Variants in NCS1 observed in about 807,000 individuals in gnomAD.
NCS1 encodes the protein frequenin homolog.
In NCS1, 6 loss-of-function variants were observed where a neutral mutation model predicts 28.4. That is an observed-to-expected ratio of 0.21 (90% CI 0.12 to 0.42). The LOEUF (loss-of-function observed/expected upper bound fraction) is 0.42. Among genes scored for constraint, NCS1 ranks in the 10% least tolerant of loss-of-function variants. The probability of loss-of-function intolerance (pLI) is 1.00; values close to 1 mark genes in which losing one functional copy is unlikely to be tolerated. For synonymous variants in NCS1, 86 were observed against 99.3 expected (o/e 0.87, Z 0.79); for missense variants, 131 against 241.4 (o/e 0.54, Z 3.03).
intron 1 of NCS1, among the ~76,000 whole-genome samples, chr9:130,174,347 G>C (rs972629306): frequency 6.7e-6 from 1 of 149,942 alleles, no homozygotes; most frequent in Admixed American, 6.6e-5. Context: ...GGCATCATTA[G>C]CACCTCGACT....
chr9:130,236,958 A>G lies in NCS1; in HGVS notation c.*3986A>G, dbSNP rs2131170122. The G allele has an allele frequency of 6.6e-6, 1 of 152,392 alleles. No individual in the cohort carries two copies. The highest frequency in any genetic ancestry group is 1.5e-5 in the Non-Finnish European group (1 of 68,094). The allele number at this position is 152,392 out of a possible 1,614,324, so 9.4% of individuals were successfully genotyped here. A position where few individuals can be genotyped will look rare whatever the true frequency, so the allele number is the denominator to read the frequency against. On this transcript the variant is annotated 3_prime_UTR_variant, in exon 8 of 8. Transcript: ENST00000372398. ...TGTCATCATCAAAGCCCCTCACAGA[A>G]GTGGAGGACGGTGCCCAAGAGTAGC...
chr9:130,213,295 T>A (rs1444410643), intron 2 of NCS1, among the ~76,000 whole-genome samples: 3 of 152,202 alleles, frequency 2.0e-5, no homozygotes, highest in Non-Finnish European at 4.4e-5. Context: ...TTTTTTCTTT[T>A]GAGACGGAGT....
rs1554909600 is a variant in NCS1 at position 130,217,855 on chromosome 9, GCC to G, written c.116_117del (p.Pro39GlnfsTer34). ...AGGTACAAAGGCTTCATCAAGGACTGCCCCAGTGGGCAGCTGGATGCGGCAGG... is the reference window on the plus strand; with the variant it reads ...AGGTACAAAGGCTTCATCAAGGACTGCCAGTGGGCAGCTGGATGCGGCAGG... On this transcript the variant is annotated frameshift_variant, in exon 3 of 8. Coordinates refer to ENST00000372398, the MANE Select transcript of NCS1 (RefSeq NM_014286.4). LOFTEE classifies it high-confidence loss of function. 1 of 1,614,196 alleles carries G rather than the reference GCC, an allele frequency of 6.2e-7. No individual in the cohort carries two copies. The highest frequency in any genetic ancestry group is 1.1e-5 in the South Asian group (1 of 91,086).
intron 1 of NCS1, among the ~76,000 whole-genome samples, chr9:130,174,693 C>T (rs1832536400): frequency 6.7e-6 from 1 of 149,320 alleles, no homozygotes; most frequent in Admixed American, 6.8e-5. Context: ...TGCCTGTAAT[C>T]CCAGCTACTC....
Position 130,219,478 on chromosome 9 carries a change from A to C in NCS1, c.229-247A>C, listed in dbSNP as rs1833242062. ...GGAGTAAGCCTCTCCGTTCAGCCTC[A>C]GTCCTTCTTCCTGTGCCTCCCTCCT... On this transcript the variant is annotated intron_variant, in intron 3 of 7. Transcript: ENST00000372398. This position sits in a 1 kb window ranked among gnomAD's most constrained non-coding sequence, Gnocchi z 5.7. Among the ~76,000 whole-genome samples the C allele has an allele frequency of 6.6e-6, 1 of 152,024 alleles. No individual in the cohort carries two copies.
chr9:130,195,061 A>G lies in NCS1; in HGVS notation c.65-5897A>G, dbSNP rs375896828. On this transcript the variant is annotated intron_variant, in intron 1 of 7. Coordinates refer to ENST00000372398, the MANE Select transcript of NCS1 (RefSeq NM_014286.4). ...TCCAGCTAGGAAAATGAGGGGAAGA[A>G]GTGCTTCTGTCTCGCACTTGCTGGG... Among the ~76,000 whole-genome samples, 17 of 152,268 alleles carry G rather than the reference A, an allele frequency of 1.1e-4. No homozygotes were observed. The East Asian group carries it at 3.1e-3, about 28-fold the overall frequency.
Position 130,186,399 on chromosome 9 carries a change from A to G in NCS1, c.64+13672A>G, listed in dbSNP as rs1398289764. 2.0e-5 allele frequency among the ~76,000 whole-genome samples: 3 copies of G among 152,232 alleles called. No individual in the cohort carries two copies. The highest frequency in any genetic ancestry group is 7.2e-5 in the African/African-American group (3 of 41,446). On this transcript the variant is annotated intron_variant, in intron 1 of 7. Coordinates refer to ENST00000372398, the MANE Select transcript of NCS1 (RefSeq NM_014286.4). The surrounding 1 kb of genome is among the most constrained non-coding windows in gnomAD (Gnocchi z 4.1). ...ACCCGGGGCTAGGGTTGCCAGACATACTGAAAAATGATTTGCTGTTTACCT... is the reference window on the plus strand; with the variant it reads ...ACCCGGGGCTAGGGTTGCCAGACATGCTGAAAAATGATTTGCTGTTTACCT...
In NCS1 at chr9:130,236,861, C is replaced by T. The variant is rs979965033; in HGVS notation, c.*3889C>T. ...TTCTGCTCATTGGGTCTCAATTTCCCCATCCCTTGGATGGGAGCAAGAGTC... is the reference window on the plus strand; with the variant it reads ...TTCTGCTCATTGGGTCTCAATTTCCTCATCCCTTGGATGGGAGCAAGAGTC... On this transcript the variant is annotated 3_prime_UTR_variant, in exon 8 of 8. Coordinates refer to ENST00000372398, the MANE Select transcript of NCS1 (RefSeq NM_014286.4). The T allele has an allele frequency of 2.0e-5, 3 of 152,148 alleles. No homozygotes were observed. The highest frequency in any genetic ancestry group is 7.2e-5 in the African/African-American group (3 of 41,424). The allele number at this position is 152,148 out of a possible 1,614,324, so 9.4% of individuals were successfully genotyped here.
Position 130,234,954 on chromosome 9 carries a change from A to C in NCS1, c.*1982A>C, listed in dbSNP as rs1331745612. ...GGGGACACTTTGGTCCTCGGTTCCC[A>C]CCCTCAGCAAGCAGGCCTCCAGCCC... On this transcript the variant is annotated 3_prime_UTR_variant, in exon 8 of 8. Transcript: ENST00000372398. This position sits in a 1 kb window ranked among gnomAD's most constrained non-coding sequence, Gnocchi z 6.1. 6.6e-6 allele frequency: 1 copy of C among 151,936 alleles called. No homozygotes were observed. The highest frequency in any genetic ancestry group is 1.5e-5 in the Non-Finnish European group (1 of 68,018). The allele number at this position is 151,936 out of a possible 1,614,324, so 9.4% of individuals were successfully genotyped here.
Position 130,206,403 on chromosome 9 carries a change from C to CTT in NCS1, c.89+5440_89+5441dup, listed in dbSNP as rs71387330. ...CTTGTTCTTTTTCTTTTCTTTCTTTCTTTTTTTTTTTTTTTTTTTTCCTGA... is the reference window on the plus strand; with the variant it reads ...CTTGTTCTTTTTCTTTTCTTTCTTTCTTTTTTTTTTTTTTTTTTTTTTCCTGA... On this transcript the variant is annotated intron_variant, in intron 2 of 7. Transcript: ENST00000372398. Among the ~76,000 whole-genome samples, 887 of 116,458 alleles carry CTT rather than the reference C, an allele frequency of 7.6e-3. 22 individuals are homozygous for CTT. The highest frequency in any genetic ancestry group is 0.028 in the African/African-American group (852 of 30,420). 76.4% of individuals were successfully genotyped at this position (116,458 alleles called of 152,430 possible).
rs1301119023 is a variant in NCS1, at chr9:130,180,428, A to G, written c.64+7701A>G. ...TCTGGTAAGAAAAAAAGCCAATATA[A>G]ATTAAAAAGCACATCATCATTATGG... On this transcript the variant is annotated intron_variant, in intron 1 of 7. Coordinates refer to ENST00000372398, the MANE Select transcript of NCS1 (RefSeq NM_014286.4). The surrounding 1 kb of genome is among the most constrained non-coding windows in gnomAD (Gnocchi z 4.5). Among the ~76,000 whole-genome samples, 1 of 152,134 alleles carries G rather than the reference A, an allele frequency of 6.6e-6. No individual in the cohort carries two copies. Among genetic ancestry groups the G allele is most frequent in the Non-Finnish European group, 1.5e-5 (1 of 68,036 alleles).
At chr9:130,195,302 C>G (rs1014401400) in intron 1 of NCS1, among the ~76,000 whole-genome samples, 7 of 152,208 alleles carry the variant, frequency 4.6e-5, no homozygotes, top group Non-Finnish European at 7.3e-5. Flanking sequence ...GCCTGTGCCC[C>G]CTTGGTCAGA....
chr9:130,223,183 T>C, intron 6 of NCS1, 24 bp downstream of exon 6: 4 of 1,587,526 alleles, frequency 2.5e-6, no homozygotes, highest in Non-Finnish European at 3.5e-6. Flanking sequence ...GCGGGGCTGG[T>C]CCTGGACCAG....
chr9:130,185,603 G>C (rs781937722), intron 1 of NCS1, among the ~76,000 whole-genome samples: 2 of 152,338 alleles, frequency 1.3e-5, no homozygotes, highest in South Asian at 4.1e-4. Context: ...CCCTCCTCCC[G>C]GCCCTGCTCC....
chr9:130,235,585 C>A lies in NCS1; in HGVS notation c.*2613C>A, dbSNP rs915011782. 6.6e-6 allele frequency: 1 copy of A among 152,340 alleles called. No individual in the cohort carries two copies. The highest frequency in any genetic ancestry group is 2.4e-5 in the African/African-American group (1 of 41,462). The allele number at this position is 152,340 out of a possible 1,614,324, so 9.4% of individuals were successfully genotyped here. A position where few individuals can be genotyped will look rare whatever the true frequency, so the allele number is the denominator to read the frequency against. Reference sequence around the variant, plus strand: ...CTTAGCAGATGGTATGCTTGCGGACCGCAGCCCAGCATGCCGGTGGGCCCA... The same window carrying A: ...CTTAGCAGATGGTATGCTTGCGGACAGCAGCCCAGCATGCCGGTGGGCCCA... On this transcript the variant is annotated 3_prime_UTR_variant, in exon 8 of 8. Transcript: ENST00000372398.
At chr9:130,174,172 G>A (rs986692286) in intron 1 of NCS1, among the ~76,000 whole-genome samples, 4 of 152,192 alleles carry the variant, frequency 2.6e-5, no homozygotes, top group African/African-American at 4.8e-5. Flanking sequence ...GCCCACAGCC[G>A]CCAGCAGGTG....
At position 130,177,336 on chromosome 9, in the gene NCS1, C is replaced by T. The variant is rs1832586922; in HGVS notation, c.64+4609C>T. On this transcript the variant is annotated intron_variant, in intron 1 of 7. Coordinates refer to ENST00000372398, the MANE Select transcript of NCS1 (RefSeq NM_014286.4). The surrounding 1 kb of genome is among the most constrained non-coding windows in gnomAD (Gnocchi z 4.4). ...CCCAACTCTGCTCAACCAGGGTGGG[C>T]CAAGCTGCTGCCTTCAGGAGGCAGT... Among the ~76,000 whole-genome samples the T allele has an allele frequency of 6.6e-6, 1 of 152,190 alleles. No homozygotes were observed. The highest frequency in any genetic ancestry group is 1.9e-4 in the East Asian group (1 of 5,192).
In NCS1 at chr9:130,219,650, G is replaced by C; in HGVS notation, c.229-75G>C. On this transcript the variant is annotated intron_variant, in intron 3 of 7. Transcript: ENST00000372398. The surrounding 1 kb of genome is among the most constrained non-coding windows in gnomAD (Gnocchi z 5.7). ...TGTCTGGAGCCTGCGACTGCCCCTC[G>C]CCCGTCCCGAGGTTCAGCCTGACCC... 7.1e-7 allele frequency: 1 copy of C among 1,403,950 alleles called. No homozygotes were observed. The highest frequency in any genetic ancestry group is 1.4e-5 in the African/African-American group (1 of 70,706). 87.0% of individuals were successfully genotyped at this position (1,403,950 alleles called of 1,614,324 possible). A position where few individuals can be genotyped will look rare whatever the true frequency, so the allele number is the denominator to read the frequency against.
intron 1 of NCS1, among the ~76,000 whole-genome samples, chr9:130,197,969 A>G (rs1417637165): frequency 1.6e-4 from 1 of 6,108 alleles, no homozygotes; most frequent in African/African-American, 3.0e-4. Flanking sequence ...TGTCTCCAGA[A>G]AAAAAAAAAA....
Sources: allele counts gnomAD v4.1 joint callset (sites outside exome capture counted in the v4.1 genomes callset), GRCh38; gene constraint gnomAD v4.1.1; non-coding constraint Gnocchi (gnomAD v3.1); transcripts MANE v1.5; gene names NCBI Gene and HGNC (gene_info 2026-07-23, HGNC 2026-07-21).